CTNNA3: variants seen among roughly 807,000 people sequenced by gnomAD.
The protein encoded by CTNNA3 is catenin alpha 3, also known as catenin alpha-3.
A neutral mutation model predicts 95.7 loss-of-function variants in CTNNA3; 76 were observed. The observed-to-expected ratio is 0.79, with a 90% CI of 0.66 to 0.96. CTNNA3 has a LOEUF of 0.96. Among genes scored for constraint, CTNNA3 ranks in the 40% least tolerant of loss-of-function variants. The pLI is 0.00. For missense variants in CTNNA3, 1,191 were observed against 1,089.8 expected, an observed-to-expected ratio of 1.09 and a Z score of -1.31; for synonymous variants, 431 against 374.4, an observed-to-expected ratio of 1.15 and a Z score of -1.74.
intron 12 of CTNNA3, among the ~76,000 whole-genome samples, chr10:66,294,247 T>A (rs1304936068): frequency 6.6e-6 from 1 of 152,182 alleles, no homozygotes; most frequent in Non-Finnish European, 1.5e-5. Context: ...CATCCGGTCA[T>A]AATTAATTTG....
At chr10:66,685,350 TA>T (rs1159940256) in intron 9 of CTNNA3, among the ~76,000 whole-genome samples, 8 of 47,266 alleles carry the variant, frequency 1.7e-4, no homozygotes, top group East Asian at 6.6e-4. Context: ...TATATATATA[TA>T]TTTTTTTTTT....
chr10:66,336,338 A>G (rs1374464282), intron 12 of CTNNA3, among the ~76,000 whole-genome samples: 2 of 152,110 alleles, frequency 1.3e-5, no homozygotes, highest in East Asian at 3.9e-4. Flanking sequence ...TGGGAGCTGT[A>G]GACTGGAGGT....
intron 12 of CTNNA3, among the ~76,000 whole-genome samples, chr10:66,301,446 A>G (rs10822799): frequency 0.22 from 33,188 of 151,768 alleles, 3,788 homozygotes; most frequent in Admixed American, 0.28. Flanking sequence ...AACTAATTGA[A>G]TTATGTATAA....
At chr10:67,434,259 C>G (rs1422246226) in intron 5 of CTNNA3, among the ~76,000 whole-genome samples, 1 of 151,994 alleles carries the variant, frequency 6.6e-6, no homozygotes, top group Non-Finnish European at 1.5e-5. Flanking sequence ...CCTCAACTCT[C>G]CATCTCAATG....
At chr10:67,751,880 A>G (rs1841409656) in intron 1 of CTNNA3, among the ~76,000 whole-genome samples, 2 of 151,958 alleles carry the variant, frequency 1.3e-5, no homozygotes, top group South Asian at 2.1e-4. Flanking sequence ...TTTACAGCCA[A>G]TTCAACCAGA....
At chr10:66,308,987 A>G (rs549200618) in intron 12 of CTNNA3, among the ~76,000 whole-genome samples, 1 of 152,270 alleles carries the variant, frequency 6.6e-6, no homozygotes, top group East Asian at 1.9e-4. Flanking sequence ...TTAATATGCT[A>G]TTTCAGCCTT....
In CTNNA3 at chr10:67,393,045, T is replaced by G. The variant is rs549498496; in HGVS notation, c.579+128797A>C. Among the ~76,000 whole-genome samples, 10 of 150,582 alleles carry G rather than the reference T, an allele frequency of 6.6e-5. 1 individual carries two copies. The South Asian group carries it at 2.1e-3, about 32-fold the overall frequency. On this transcript the variant is annotated intron_variant, in intron 5 of 17. Coordinates refer to ENST00000433211, the MANE Select transcript of CTNNA3 (RefSeq NM_013266.4). ...ACAATGTACACATGTACCCTAAAACTTAAAGTATAATAATAAAAAAAAAAT... is the reference window on the plus strand; with the variant it reads ...ACAATGTACACATGTACCCTAAAACGTAAAGTATAATAATAAAAAAAAAAT...
At chr10:67,364,378 A>C (rs945626649) in intron 5 of CTNNA3, among the ~76,000 whole-genome samples, 1 of 152,180 alleles carries the variant, frequency 6.6e-6, no homozygotes, top group African/African-American at 2.4e-5. Context: ...ACTGAATGGC[A>C]AAAACTGGAA....
At chr10:67,728,070 C>T (rs1290626964) in intron 1 of CTNNA3, among the ~76,000 whole-genome samples, 1 of 135,590 alleles carries the variant, frequency 7.4e-6, no homozygotes, top group African/African-American at 2.8e-5. Context: ...ATGTATATTA[C>T]ATATTATATA....
chr10:66,773,260 C>T (rs1840167933), intron 8 of CTNNA3, among the ~76,000 whole-genome samples: 1 of 152,190 alleles, frequency 6.6e-6, no homozygotes, highest in Non-Finnish European at 1.5e-5. Context: ...CTACAACAGA[C>T]AGAACTTCTG....
intron 10 of CTNNA3, among the ~76,000 whole-genome samples, chr10:66,549,133 A>T (rs1179440753): frequency 1.3e-5 from 2 of 151,782 alleles, no homozygotes; most frequent in African/African-American, 2.4e-5. Flanking sequence ...GGACTACAGT[A>T]CAGGCGCCCG....
At chr10:65,999,491 T>A (rs984982388) in intron 15 of CTNNA3, among the ~76,000 whole-genome samples, 1 of 152,176 alleles carries the variant, frequency 6.6e-6, no homozygotes, top group Non-Finnish European at 1.5e-5. Flanking sequence ...CTTAAGCACA[T>A]GTAGAACCTA....
At chr10:66,926,884 T>G (rs756867339) in intron 7 of CTNNA3, 33 of 1,517,746 alleles carry the variant, frequency 2.2e-5, no homozygotes, top group Non-Finnish European at 2.5e-5. Flanking sequence ...AATTCTTTTT[T>G]GGGGGGATAA....
chr10:66,542,362 C>T (rs950719626), intron 10 of CTNNA3, among the ~76,000 whole-genome samples: 2 of 151,996 alleles, frequency 1.3e-5, no homozygotes, highest in Non-Finnish European at 2.9e-5. Context: ...CTAGAAATAC[C>T]ATTTGACCCA....
chr10:67,068,127 G>T (rs1325312492), intron 7 of CTNNA3, among the ~76,000 whole-genome samples: 3 of 152,244 alleles, frequency 2.0e-5, no homozygotes, highest in South Asian at 4.1e-4. Context: ...ACTATTTAGA[G>T]AAATAATGAG....
At chr10:66,929,310 G>A (rs747095970) in intron 7 of CTNNA3, among the ~76,000 whole-genome samples, 4 of 152,182 alleles carry the variant, frequency 2.6e-5, no homozygotes, top group Non-Finnish European at 5.9e-5. Flanking sequence ...TTTCAGATAA[G>A]GTTCGCGAAT....
intron 11 of CTNNA3, among the ~76,000 whole-genome samples, chr10:66,508,578 A>G (rs901938137): frequency 3.3e-5 from 5 of 152,010 alleles, no homozygotes; most frequent in African/African-American, 9.7e-5. Context: ...ATATAATTTT[A>G]TACTACTTTA....
chr10:67,160,084 G>C (rs1427117869), intron 7 of CTNNA3, among the ~76,000 whole-genome samples: 2 of 151,962 alleles, frequency 1.3e-5, no homozygotes, highest in Non-Finnish European at 2.9e-5. Flanking sequence ...CATTTCTCAA[G>C]AGAAAAAATA....
At chr10:67,632,113 T>G (rs1397327860) in intron 2 of CTNNA3, among the ~76,000 whole-genome samples, 1 of 138,968 alleles carries the variant, frequency 7.2e-6, no homozygotes, top group Non-Finnish European at 1.5e-5. Flanking sequence ...AAAGTAGATT[T>G]TAAGTGTCTT....
Sources: allele counts gnomAD v4.1 joint callset (sites outside exome capture counted in the v4.1 genomes callset), GRCh38; gene constraint gnomAD v4.1.1; transcripts MANE v1.5; gene names NCBI Gene and HGNC (gene_info 2026-07-23, HGNC 2026-07-21).